The following RAP1GAP2 variants were observed in gnomAD, a reference collection of about 807,000 sequenced individuals.
RAP1GAP2 encodes RAP1 GTPase activating protein 2, also known as rap1 GTPase-activating protein 2.
Under a neutral mutation model 95.0 loss-of-function variants are expected in RAP1GAP2, and 27 were observed. The ratio of observed to expected loss-of-function variants is 0.28; its 90% CI spans 0.21 to 0.39. The LOEUF (loss-of-function observed/expected upper bound fraction) is 0.39. Ranked by LOEUF, RAP1GAP2 falls within the 10% of genes least tolerant of loss-of-function variation. RAP1GAP2 has a pLI of 1.00. For synonymous variants in RAP1GAP2, 373 were observed against 380.9 expected, an observed-to-expected ratio of 0.98 and a Z score of 0.24; for missense variants, 771 against 970.0, an observed-to-expected ratio of 0.79 and a Z score of 2.72.
Position 2,966,907 on chromosome 17 carries a change from C to T in RAP1GAP2, c.596+1264C>T, listed in dbSNP as rs1302433174. On this transcript the variant is annotated intron_variant, in intron 8 of 24. Transcript: ENST00000254695. ...TAACCCCCTTTTTCTAATACTGTAT[C>T]CTCCATTAGGACTGGAAATGCTGCT... Among the ~76,000 whole-genome samples the T allele has an allele frequency of 3.9e-5, 6 of 152,138 alleles. No homozygotes were observed. The South Asian group carries it at 6.2e-4, about 16-fold the overall frequency.
intron 3 of RAP1GAP2, among the ~76,000 whole-genome samples, chr17:2,928,706 G>C (rs1261664116): frequency 2.6e-5 from 4 of 152,112 alleles, no homozygotes; most frequent in African/African-American, 9.7e-5. Flanking sequence ...GCGCCTTCCA[G>C]CCCACCGATA....
At chr17:2,764,620 C>T (rs1229721282) in intron 1 of RAP1GAP2, among the ~76,000 whole-genome samples, 1 of 152,042 alleles carries the variant, frequency 6.6e-6, no homozygotes, top group Non-Finnish European at 1.5e-5. Flanking sequence ...ACTCAGGAGG[C>T]TGAGGCAGGA....
rs75269049 is a variant in RAP1GAP2, at chr17:2,878,761, T to C, written c.81-26523T>C. Among the ~76,000 whole-genome samples, 1,381 of 152,326 alleles carry C rather than the reference T, an allele frequency of 9.1e-3. 18 individuals carry two copies. The highest frequency in any genetic ancestry group is 0.032 in the African/African-American group (1,317 of 41,578). ...TCCCAGTGGGCCTGTCCGGAAGCAT[T>C]TGGGTATCCCTGCTGCCCAGGAGCC... On this transcript the variant is annotated intron_variant, in intron 2 of 24. Transcript: ENST00000254695.
intron 8 of RAP1GAP2, among the ~76,000 whole-genome samples, chr17:2,968,004 A>G (rs959092539): frequency 6.6e-6 from 1 of 152,162 alleles, no homozygotes; most frequent in African/African-American, 2.4e-5. Context: ...AAAGAAGAAG[A>G]AGTTTTATGG....
intron 3 of RAP1GAP2, among the ~76,000 whole-genome samples, chr17:2,939,469 G>A (rs1309142721): frequency 2.6e-5 from 4 of 152,190 alleles, no homozygotes; most frequent in South Asian, 4.1e-4. Flanking sequence ...TGCAGGCACC[G>A]GTCTCTCTTT....
chr17:2,836,224 CACTAACT>C (rs976948390), intron 2 of RAP1GAP2, among the ~76,000 whole-genome samples: 6 of 151,608 alleles, frequency 4.0e-5, no homozygotes, highest in African/African-American at 1.5e-4. Context: ...CTACTATGTT[CACTAACT>C]AGGTTACTAG....
chr17:2,969,400 C>G (rs927832506), intron 8 of RAP1GAP2, among the ~76,000 whole-genome samples: 2 of 150,986 alleles, frequency 1.3e-5, no homozygotes, highest in Non-Finnish European at 2.9e-5. Context: ...AAACCAAAAC[C>G]TAGACTTCTA....
At chr17:2,815,533 T>C (rs1567673243) in intron 2 of RAP1GAP2, among the ~76,000 whole-genome samples, 1 of 151,186 alleles carries the variant, frequency 6.6e-6, no homozygotes, top group Admixed American at 6.6e-5. Context: ...CCAGGCTGGA[T>C]TGCAGTGGCA....
chr17:2,950,410 GA>G (rs920675308), intron 3 of RAP1GAP2, among the ~76,000 whole-genome samples: 1 of 151,952 alleles, frequency 6.6e-6, no homozygotes, highest in African/African-American at 2.4e-5. Context: ...ATGAAATCGA[GA>G]AAAAGTATCT....
In RAP1GAP2 at chr17:2,954,347, G is replaced by A. The variant is rs1034463359; in HGVS notation, c.166-3412G>A. The stretch of plus-strand genomic sequence containing the variant: ...TCTCGATCTCCTGACCTCGTGATCC[G>A]CCCGCCTCGGCCTCCCAAAGTGCTG... On this transcript the variant is annotated intron_variant, in intron 3 of 24. Transcript: ENST00000254695. Among the ~76,000 whole-genome samples, 39 of 151,924 alleles carry A rather than the reference G, an allele frequency of 2.6e-4. No individual in the cohort carries two copies. In the East Asian group the frequency reaches 5.1e-3, roughly 20 times the overall value.
At chr17:2,800,074 C>A in intron 1 of RAP1GAP2, 2 of 559,264 alleles carry the variant, frequency 3.6e-6, no homozygotes, top group Non-Finnish European at 4.5e-6. Flanking sequence ...CCAAAGCAGA[C>A]GCCTGGGAAA....
At chr17:2,966,666 AC>A (rs2044613243) in intron 8 of RAP1GAP2, among the ~76,000 whole-genome samples, 1 of 152,194 alleles carries the variant, frequency 6.6e-6, no homozygotes, top group African/African-American at 2.4e-5. Context: ...AATTTTCTCT[AC>A]AGAGGTTCAC....
intron 2 of RAP1GAP2, among the ~76,000 whole-genome samples, chr17:2,851,663 G>A (rs1420128591): frequency 1.3e-5 from 2 of 152,170 alleles, no homozygotes; most frequent in Non-Finnish European, 2.9e-5. Flanking sequence ...GACTTAGAGG[G>A]CTGGGAACCC....
chr17:3,023,580 A>T (rs929083731), intron 19 of RAP1GAP2, among the ~76,000 whole-genome samples: 1 of 152,216 alleles, frequency 6.6e-6, no homozygotes, highest in Non-Finnish European at 1.5e-5. Context: ...GTGAACCAAC[A>T]GTAGAGATGT....
intron 10 of RAP1GAP2, among the ~76,000 whole-genome samples, chr17:2,982,412 C>T (rs1297931955): frequency 1.3e-5 from 2 of 152,226 alleles, no homozygotes; most frequent in East Asian, 1.9e-4. Context: ...GCTGGGATTA[C>T]AGGCGTGAGC....
At chr17:2,968,352 A>G (rs560482098) in intron 8 of RAP1GAP2, among the ~76,000 whole-genome samples, 24 of 152,350 alleles carry the variant, frequency 1.6e-4, no homozygotes, top group African/African-American at 5.8e-4. Flanking sequence ...AAACTCTCAC[A>G]TAATTCAAAG....
At chr17:2,824,740 CAAAAAAAAAAAA>C (rs940171590) in intron 2 of RAP1GAP2, among the ~76,000 whole-genome samples, 1 of 56,652 alleles carries the variant, frequency 1.8e-5, no homozygotes, top group East Asian at 5.5e-4. Flanking sequence ...AACTCTGTCT[CAAAAAAAAAAAA>C]AAAAAAAAAA....
At chr17:2,916,686 C>T (rs770644368) in intron 3 of RAP1GAP2, among the ~76,000 whole-genome samples, 7 of 152,176 alleles carry the variant, frequency 4.6e-5, no homozygotes, top group Non-Finnish European at 8.8e-5. Context: ...TGAGGTCATC[C>T]ACAGAATCGC....
intron 8 of RAP1GAP2, among the ~76,000 whole-genome samples, chr17:2,974,016 A>G (rs1027989337): frequency 6.6e-6 from 1 of 152,176 alleles, no homozygotes; most frequent in African/African-American, 2.4e-5. Flanking sequence ...GTTGTTAAAG[A>G]CAATGGGGCA....
Sources: gnomAD v4.1 joint callset for allele counts (sites outside exome capture counted in the v4.1 genomes callset) on GRCh38, gnomAD v4.1.1 for gene constraint, MANE v1.5 for transcripts, NCBI Gene and HGNC (gene_info 2026-07-23, HGNC 2026-07-21) for gene names.